Variants in EYS observed in about 807,000 individuals in gnomAD.
EYS encodes the protein protein eyes shut homolog.
A neutral mutation model predicts 282.1 loss-of-function variants in EYS; 250 were observed. That is an observed-to-expected ratio of 0.89 (90% CI 0.80 to 0.98). The LOEUF is 0.98. Among genes scored for constraint, EYS ranks in the 50% least tolerant of loss-of-function variants. The pLI is 0.00. For synonymous variants in EYS, 1,355 were observed against 1,282.9 expected, an observed-to-expected ratio of 1.06 and a Z score of -1.20; for missense variants, 4,016 against 3,709.0, an observed-to-expected ratio of 1.08 and a Z score of -2.15.
At chr6:65,410,732 G>C (rs77869247) in intron 5 of EYS, among the ~76,000 whole-genome samples, 1,730 of 151,064 alleles carry the variant, frequency 0.011, 37 homozygotes, top group African/African-American at 0.04. Context: ...GTATACCAAA[G>C]AGATATTTTT....
intron 31 of EYS, among the ~76,000 whole-genome samples, chr6:64,143,356 TAAAAAAAAAAAAA>T (rs60699526): frequency 3.3e-5 from 3 of 89,816 alleles, no homozygotes; most frequent in Non-Finnish European, 6.7e-5. Context: ...TCATTTATTG[TAAAAAAAAAAAAA>T]AAAAAAAAAA....
chr6:63,754,709 A>T (rs920744916), intron 41 of EYS, among the ~76,000 whole-genome samples: 1 of 152,172 alleles, frequency 6.6e-6, no homozygotes, highest in South Asian at 2.1e-4. Context: ...ATATACCCAG[A>T]AATGGGATTG....
At chr6:63,735,383 C>G (rs1230342725) in intron 41 of EYS, among the ~76,000 whole-genome samples, 1 of 151,984 alleles carries the variant, frequency 6.6e-6, no homozygotes, top group African/African-American at 2.4e-5. Context: ...AAAAAGAACT[C>G]TCATCTCTTT....
chr6:65,139,430 T>C (rs934436836), intron 12 of EYS, among the ~76,000 whole-genome samples: 2 of 151,980 alleles, frequency 1.3e-5, no homozygotes, highest in African/African-American at 4.8e-5. Context: ...CAGGAGCCTA[T>C]TTGAGGGTGA....
chr6:65,135,145 G>A (rs2150204996), intron 12 of EYS, among the ~76,000 whole-genome samples: 1 of 151,930 alleles, frequency 6.6e-6, no homozygotes, highest in African/African-American at 2.4e-5. Context: ...TGATTCCTAG[G>A]GAAATAATAG....
chr6:63,805,741 G>C (rs1179093113), intron 37 of EYS, among the ~76,000 whole-genome samples: 1 of 152,060 alleles, frequency 6.6e-6, no homozygotes. Context: ...TCGTGATAGT[G>C]AGTGAGTTCT....
At chr6:64,883,497 C>T (rs1407912056) in intron 19 of EYS, among the ~76,000 whole-genome samples, 2 of 146,426 alleles carry the variant, frequency 1.4e-5, no homozygotes, top group Non-Finnish European at 3.0e-5. Context: ...TACATGTAAT[C>T]ACATTTAAAG....
chr6:64,056,145 C>G (rs568002652), intron 33 of EYS, among the ~76,000 whole-genome samples: 1 of 152,310 alleles, frequency 6.6e-6, no homozygotes, highest in South Asian at 2.1e-4. Context: ...TCCTGTTTCC[C>G]TCACTGCCTT....
chr6:65,612,974 A>T (rs1366772234), intron 2 of EYS, among the ~76,000 whole-genome samples: 3 of 151,892 alleles, frequency 2.0e-5, no homozygotes, highest in South Asian at 4.1e-4. Context: ...TACTGTGTAA[A>T]CAAGATAAAT....
chr6:64,609,070 T>A (rs1767025006), intron 24 of EYS, among the ~76,000 whole-genome samples: 1 of 152,126 alleles, frequency 6.6e-6, no homozygotes, highest in African/African-American at 2.4e-5. Flanking sequence ...AATGATGTAA[T>A]ATAGATTTAT....
intron 12 of EYS, among the ~76,000 whole-genome samples, chr6:65,095,900 G>A (rs183832486): frequency 9.3e-5 from 14 of 151,084 alleles, no homozygotes; most frequent in East Asian, 7.8e-4. Flanking sequence ...GGTGAGAATC[G>A]CACTCTCACA....
At chr6:64,032,084 C>T (rs1174205475) in intron 33 of EYS, among the ~76,000 whole-genome samples, 1 of 152,152 alleles carries the variant, frequency 6.6e-6, no homozygotes, top group African/African-American at 2.4e-5. Flanking sequence ...CACGAACTCA[C>T]CGGGAGGAAT....
intron 22 of EYS, among the ~76,000 whole-genome samples, chr6:64,702,800 A>G (rs964316775): frequency 6.6e-6 from 1 of 152,188 alleles, no homozygotes; most frequent in Non-Finnish European, 1.5e-5. Context: ...ATTTAAAACC[A>G]TAAGTTTAAG....
rs1582223000 is a variant in EYS, at chr6:64,067,868, G to A, written c.6572-1377C>T. ...TCATTGTTTTGTAATAATCCATTAAGTTAATATTTAAAATTTAATTACTGT... is the reference window on the plus strand; with the variant it reads ...TCATTGTTTTGTAATAATCCATTAAATTAATATTTAAAATTTAATTACTGT... On this transcript the variant is annotated intron_variant, in intron 32 of 42. Transcript: ENST00000503581. 2.0e-5 allele frequency among the ~76,000 whole-genome samples: 3 copies of A among 152,170 alleles called. No homozygotes were observed. The South Asian group carries it at 6.2e-4, about 32-fold the overall frequency.
chr6:65,190,260 T>G (rs561760951), intron 12 of EYS, among the ~76,000 whole-genome samples: 1 of 148,048 alleles, frequency 6.8e-6, no homozygotes, highest in Admixed American at 6.8e-5. Flanking sequence ...TTATGTTTAA[T>G]TTATATATTT....
intron 2 of EYS, among the ~76,000 whole-genome samples, chr6:65,615,951 G>A (rs3049827): frequency 0.037 from 179 of 4,834 alleles, 2 homozygotes; most frequent in African/African-American, 0.18. Context: ...AAAAAAAAAA[G>A]AAAGAAAAAA....
intron 2 of EYS, among the ~76,000 whole-genome samples, chr6:65,634,300 T>C (rs1257113061): frequency 6.6e-6 from 1 of 152,156 alleles, no homozygotes; most frequent in African/African-American, 2.4e-5. Flanking sequence ...TCTCTACATA[T>C]GAAATACACT....
At chr6:65,330,765 GA>G in intron 11 of EYS, 1 of 961,438 alleles carries the variant, frequency 1.0e-6, no homozygotes, top group Non-Finnish European at 1.2e-6. Context: ...AAATCACAAA[GA>G]TATTTTTCTA....
chr6:65,515,117 A>G (rs1273476619), intron 2 of EYS, among the ~76,000 whole-genome samples: 1 of 152,182 alleles, frequency 6.6e-6, no homozygotes, highest in Non-Finnish European at 1.5e-5. Flanking sequence ...AACCCCATCA[A>G]AAAGTGGGCA....
Sources: allele counts gnomAD v4.1 joint callset (sites outside exome capture counted in the v4.1 genomes callset), GRCh38; gene constraint gnomAD v4.1.1; transcripts MANE v1.5; gene names NCBI Gene and HGNC (gene_info 2026-07-23, HGNC 2026-07-21).